Variants in SYN3 observed in about 807,000 individuals in gnomAD.
SYN3 encodes synapsin III.
SYN3 carries 35 observed loss-of-function variants against 65.8 expected under a neutral mutation model. That is an observed-to-expected ratio of 0.53 (90% CI 0.41 to 0.70). SYN3 has a LOEUF of 0.70. SYN3 is among the 30% of genes least tolerant of loss of function. The probability of loss-of-function intolerance (pLI) is 0.00; values close to 1 mark genes in which losing one functional copy is unlikely to be tolerated. For synonymous variants in SYN3, 270 were observed against 292.9 expected, an observed-to-expected ratio of 0.92 and a Z score of 0.80; for missense variants, 680 against 749.0, an observed-to-expected ratio of 0.91 and a Z score of 1.08.
chr22:32,753,938 G>T (rs760387990), intron 6 of SYN3, among the ~76,000 whole-genome samples: 2 of 152,216 alleles, frequency 1.3e-5, no homozygotes, highest in African/African-American at 4.8e-5. Context: ...AGAAATTGAG[G>T]CTCTGAGAAT....
chr22:32,976,717 C>G (rs1378454822), intron 3 of SYN3, among the ~76,000 whole-genome samples: 1 of 152,156 alleles, frequency 6.6e-6, no homozygotes, highest in South Asian at 2.1e-4. Context: ...CCTCCACGGG[C>G]CTCCCCAGGG....
chr22:32,807,936 A>G (rs1375132071), intron 6 of SYN3, among the ~76,000 whole-genome samples: 3 of 152,210 alleles, frequency 2.0e-5, no homozygotes, highest in Non-Finnish European at 4.4e-5. Context: ...TCTCTCAAAT[A>G]GAAAAACAAT....
chr22:32,554,084 C>T (rs540619834), intron 7 of SYN3, among the ~76,000 whole-genome samples: 18 of 152,264 alleles, frequency 1.2e-4, no homozygotes, highest in East Asian at 5.8e-4. Flanking sequence ...TCAAAATCTC[C>T]GGAGGTACCA....
intron 6 of SYN3, among the ~76,000 whole-genome samples, chr22:32,643,621 T>C (rs1158586875): frequency 6.8e-6 from 1 of 146,032 alleles, no homozygotes; most frequent in Non-Finnish European, 1.5e-5. Flanking sequence ...GAAAAAAGAG[T>C]TATAGTAGAA....
intron 4 of SYN3, among the ~76,000 whole-genome samples, chr22:32,927,731 A>C (rs1331829122): frequency 2.0e-5 from 3 of 152,152 alleles, no homozygotes; most frequent in Non-Finnish European, 4.4e-5. Context: ...CCTTCATATA[A>C]TCTTGCAGCT....
chr22:32,680,148 T>C (rs1165217845), intron 6 of SYN3, among the ~76,000 whole-genome samples: 1 of 152,152 alleles, frequency 6.6e-6, no homozygotes, highest in Non-Finnish European at 1.5e-5. Context: ...TCCTTCTTTA[T>C]TTACTTCTAA....
intron 4 of SYN3, among the ~76,000 whole-genome samples, chr22:32,877,491 G>T (rs1411761995): frequency 6.6e-6 from 1 of 152,106 alleles, no homozygotes; most frequent in African/African-American, 2.4e-5. Context: ...TGTTGTGGGG[G>T]GCTGTTCTGT....
rs71320943 is a variant in SYN3 at position 32,664,584 on chromosome 22, C to CTTTTTTT, written c.712-67855_712-67849dup. Among the ~76,000 whole-genome samples the CTTTTTTT allele has an allele frequency of 2.5e-3, 174 of 69,052 alleles. 46 individuals are homozygous for CTTTTTTT. Among genetic ancestry groups the CTTTTTTT allele is most frequent in the African/African-American group, 0.012 (155 of 13,450 alleles). The allele number at this position is 69,052 out of a possible 152,430, so 45.3% of individuals were successfully genotyped here. ...AGCATACACTGTACTCAATTGGTCG[C>CTTTTTTT]TTTTTTTTTTTTTTTTTTTTTTTTT... On this transcript the variant is annotated intron_variant, in intron 6 of 13. Coordinates refer to ENST00000358763, the MANE Select transcript of SYN3 (RefSeq NM_003490.4).
intron 3 of SYN3, among the ~76,000 whole-genome samples, chr22:32,938,907 A>T (rs966734503): frequency 4.1e-5 from 6 of 145,784 alleles, no homozygotes; most frequent in Non-Finnish European, 9.0e-5. Context: ...CGGCCTGGAC[A>T]GCAGGGCAAG....
intron 6 of SYN3, among the ~76,000 whole-genome samples, chr22:32,836,733 A>G (rs1193172404): frequency 1.3e-5 from 2 of 152,166 alleles, no homozygotes; most frequent in Admixed American, 6.5e-5. Context: ...GGGCCTTCCA[A>G]ACTATGGCCC....
Position 32,828,730 on chromosome 22 carries a change from C to G in SYN3, c.711+36185G>C, listed in dbSNP as rs2047484790. Among the ~76,000 whole-genome samples the G allele has an allele frequency of 2.6e-5, 4 of 152,188 alleles. No homozygotes were observed. In the South Asian group the frequency reaches 8.3e-4, roughly 32 times the overall value. On this transcript the variant is annotated intron_variant, in intron 6 of 13. Transcript: ENST00000358763. ...TACCTACCCACTATAGACTTCTTGG[C>G]CGGTTCTGGGAGACTGAGCTCTTTC...
chr22:32,967,279 A>G (rs1385402361), intron 3 of SYN3, among the ~76,000 whole-genome samples: 2 of 152,188 alleles, frequency 1.3e-5, no homozygotes, highest in Non-Finnish European at 2.9e-5. Context: ...CCAAGACTGG[A>G]CCAAAACGGG....
chr22:32,578,731 A>G (rs1422966254), intron 7 of SYN3, among the ~76,000 whole-genome samples: 1 of 152,222 alleles, frequency 6.6e-6, no homozygotes. Context: ...TCTAGCAATC[A>G]GGTGGCAAGA....
chr22:32,614,095 C>T (rs532468743), intron 6 of SYN3, among the ~76,000 whole-genome samples: 10 of 152,256 alleles, frequency 6.6e-5, no homozygotes, highest in Admixed American at 4.6e-4. Flanking sequence ...ATGAATTAAC[C>T]GGCACAAAGC....
chr22:32,814,980 T>C (rs2047049078), intron 6 of SYN3, among the ~76,000 whole-genome samples: 1 of 152,246 alleles, frequency 6.6e-6, no homozygotes, highest in South Asian at 2.1e-4. Flanking sequence ...TTTACACTTA[T>C]TAATAAGATC....
At chr22:32,569,256 A>AATCTATGTATCT (rs376331895) in intron 7 of SYN3, among the ~76,000 whole-genome samples, 35 of 141,096 alleles carry the variant, frequency 2.5e-4, no homozygotes, top group African/African-American at 8.8e-4. Context: ...ATGCATCCAA[A>AATCTATGTATCT]ATCTATCTAT....
At chr22:32,750,255 A>G (rs73156459) in intron 6 of SYN3, among the ~76,000 whole-genome samples, 4,470 of 152,318 alleles carry the variant, frequency 0.029, 142 homozygotes, top group African/African-American at 0.081. Context: ...TCAACAGTGC[A>G]GCCAGGGAAG....
rs1282228363 is a variant in SYN3 at position 32,900,061 on chromosome 22, C to A, written c.462-30936G>T. On this transcript the variant is annotated intron_variant, in intron 4 of 13. Transcript: ENST00000358763. ...CCGCAGTCCGGCCTGGGCGACAGAG[C>A]GAGACTCCGTCTCAAAAAAAAAAAA... Among the ~76,000 whole-genome samples, 2 of 142,074 alleles carry A rather than the reference C, an allele frequency of 1.4e-5. 1 individual carries two copies. Among genetic ancestry groups the A allele is most frequent in the Non-Finnish European group, 3.0e-5 (2 of 65,842 alleles). 93.2% of individuals were successfully genotyped at this position (142,074 alleles called of 152,430 possible). A position where few individuals can be genotyped will look rare whatever the true frequency, so the allele number is the denominator to read the frequency against.
chr22:32,633,421 C>G (rs970320887), intron 6 of SYN3, among the ~76,000 whole-genome samples: 5 of 152,012 alleles, frequency 3.3e-5, no homozygotes, highest in Non-Finnish European at 7.4e-5. Flanking sequence ...CTCCCCCTGC[C>G]CTTCCCCCAG....
Sources: gnomAD v4.1 joint callset for allele counts (sites outside exome capture counted in the v4.1 genomes callset) on GRCh38, gnomAD v4.1.1 for gene constraint, MANE v1.5 for transcripts, NCBI Gene and HGNC (gene_info 2026-07-23, HGNC 2026-07-21) for gene names.